The following SNRK variants were observed in gnomAD, a reference collection of about 807,000 sequenced individuals.
SNRK encodes SNF-related serine/threonine-protein kinase.
A neutral mutation model predicts 48.2 loss-of-function variants in SNRK; 3 were observed. The ratio of observed to expected loss-of-function variants is 0.06; its 90% CI spans 0.03 to 0.16. The LOEUF (loss-of-function observed/expected upper bound fraction) is 0.16. Among genes scored for constraint, SNRK ranks in the 10% least tolerant of loss-of-function variants. The pLI is 1.00. For synonymous variants in SNRK, 376 were observed against 366.1 expected (o/e 1.03, Z -0.31); for missense variants, 627 against 976.0 (o/e 0.64, Z 4.76).
intron 1 of SNRK, among the ~76,000 whole-genome samples, chr3:43,293,774 C>T (rs941727576): frequency 3.3e-5 from 5 of 151,814 alleles, no homozygotes; most frequent in African/African-American, 9.7e-5. Context: ...TTAAAATTAG[C>T]TGGGTGTGGT....
intron 3 of SNRK, among the ~76,000 whole-genome samples, chr3:43,326,423 G>T (rs967330213): frequency 2.0e-5 from 3 of 151,988 alleles, no homozygotes; most frequent in African/African-American, 7.2e-5. Context: ...AACTTGTGTT[G>T]AGCAGGCCCT....
chr3:43,311,261 A>C (rs2090977025), intron 3 of SNRK, among the ~76,000 whole-genome samples: 1 of 152,154 alleles, frequency 6.6e-6, no homozygotes, highest in South Asian at 2.1e-4. Flanking sequence ...ATTAGTCCTC[A>C]GTTAATCCTT....
At chr3:43,287,265 C>T (rs1575526309) in intron 1 of SNRK, among the ~76,000 whole-genome samples, 1 of 152,164 alleles carries the variant, frequency 6.6e-6, no homozygotes, top group Admixed American at 6.5e-5. Context: ...AGAATTTTTG[C>T]AGACTGGGAG....
chr3:43,313,500 A>G lies in SNRK; in HGVS notation c.589+9708A>G, dbSNP rs963746051. On this transcript the variant is annotated intron_variant, in intron 3 of 6. Coordinates refer to ENST00000296088, the MANE Select transcript of SNRK (RefSeq NM_017719.5). ...AAAATTCTCTTGATATAACAAAACT[A>G]TAAAAATGGAGAACAGATTGGTGGC... 2.6e-5 allele frequency among the ~76,000 whole-genome samples: 4 copies of G among 152,228 alleles called. No homozygotes were observed. The East Asian group carries it at 5.8e-4, about 22-fold the overall frequency.
chr3:43,318,609 T>C (rs1002953116), intron 3 of SNRK, among the ~76,000 whole-genome samples: 14 of 151,972 alleles, frequency 9.2e-5, no homozygotes, highest in Non-Finnish European at 1.8e-4. Context: ...AAAGATAAGT[T>C]TGCAAGACAA....
At chr3:43,341,462 T>C (rs1160905176) in intron 5 of SNRK, among the ~76,000 whole-genome samples, 3 of 152,224 alleles carry the variant, frequency 2.0e-5, no homozygotes, top group Non-Finnish European at 4.4e-5. Context: ...CAAAGCCAGA[T>C]TTTAATAAAC....
intron 3 of SNRK, among the ~76,000 whole-genome samples, chr3:43,315,822 C>A (rs2091009614): frequency 1.3e-5 from 2 of 152,208 alleles, no homozygotes; most frequent in Non-Finnish European, 2.9e-5. Flanking sequence ...ATGTAGCACA[C>A]ACCTTCTGTC....
chr3:43,318,257 T>G (rs1422547485), intron 3 of SNRK, among the ~76,000 whole-genome samples: 1 of 152,172 alleles, frequency 6.6e-6, no homozygotes, highest in Admixed American at 6.5e-5. Context: ...CTCACATGTT[T>G]TTAGTTGTAT....
chr3:43,328,435 G>A (rs2091112191), intron 3 of SNRK, among the ~76,000 whole-genome samples: 1 of 151,830 alleles, frequency 6.6e-6, no homozygotes, highest in Admixed American at 6.6e-5. Flanking sequence ...TCACAGATGT[G>A]GTTTAGCACA....
In SNRK at chr3:43,348,038, G is replaced by A; in HGVS notation, c.1779G>A (p.Val593=). The A allele has an allele frequency of 6.2e-7, 1 of 1,608,572 alleles. No individual in the cohort carries two copies. The highest frequency in any genetic ancestry group is 8.5e-7 in the Non-Finnish European group (1 of 1,177,272). Residue 593 remains valine (V), a synonymous_variant, in exon 7 of 7, where the codon GTG becomes GTA. Transcript: ENST00000296088. ...AGCCAAGCAATGCCAGTGGAGGGGTGGACAAGGCCAGCCCCAGTGAGAACA... is the reference window on the plus strand; with the variant it reads ...AGCCAAGCAATGCCAGTGGAGGGGTAGACAAGGCCAGCCCCAGTGAGAACA... ...QSKPSNASGG[V]DKASPSENNA...
chr3:43,318,355 A>AT (rs969468168), intron 3 of SNRK, among the ~76,000 whole-genome samples: 5 of 149,314 alleles, frequency 3.3e-5, no homozygotes, highest in Non-Finnish European at 5.9e-5. Context: ...AAAATGTTAG[A>AT]TAAAAAAAAA....
chr3:43,293,493 T>C (rs550620550), intron 1 of SNRK, among the ~76,000 whole-genome samples: 4 of 152,276 alleles, frequency 2.6e-5, no homozygotes, highest in African/African-American at 9.6e-5. Flanking sequence ...AAGCAGCACA[T>C]ATGCACTGTC....
In SNRK at chr3:43,331,458, T is replaced by G. The variant is rs544002119; in HGVS notation, c.590-711T>G. On this transcript the variant is annotated intron_variant, in intron 3 of 6. Coordinates refer to ENST00000296088, the MANE Select transcript of SNRK (RefSeq NM_017719.5). ...GCCTTACCATTGGTGCAGAAATGCC[T>G]TATGCAAAATTTTAGACAGATGTTT... Among the ~76,000 whole-genome samples the G allele has an allele frequency of 3.7e-4, 56 of 152,324 alleles. 1 individual carries two copies. Among genetic ancestry groups the G allele is most frequent in the African/African-American group, 1.3e-3 (53 of 41,570 alleles).
In SNRK at chr3:43,348,155, C is replaced by T. The variant is rs927877549; in HGVS notation, c.1896C>T (p.Ser632=). ...TTRRCAGPSN[S]MQLASRSAGE... Reference sequence around the variant, plus strand: ...GCCGCTGTGCCGGCCCCAGCAACTCCATGCAGCTGGCCTCTCGCAGTGCTG... The same window carrying T: ...GCCGCTGTGCCGGCCCCAGCAACTCTATGCAGCTGGCCTCTCGCAGTGCTG... The change falls in exon 7 of 7, where the codon TCC becomes TCT. Residue 632 remains serine (S), a synonymous_variant. Coordinates refer to ENST00000296088, the MANE Select transcript of SNRK (RefSeq NM_017719.5). 13 of 1,582,298 alleles carry T rather than the reference C, an allele frequency of 8.2e-6. No individual in the cohort carries two copies. In the African/African-American group the frequency reaches 1.1e-4, roughly 13 times the overall value.
Position 43,343,605 on chromosome 3 carries a change from G to A in SNRK, c.1079+127G>A. On this transcript the variant is annotated intron_variant, in intron 6 of 6. Coordinates refer to ENST00000296088, the MANE Select transcript of SNRK (RefSeq NM_017719.5). ...TACAAACAGTGATGACGGCCTCATTGGAGAGGCCACACACGGGCTCTTCAG... is the reference window on the plus strand; with the variant it reads ...TACAAACAGTGATGACGGCCTCATTAGAGAGGCCACACACGGGCTCTTCAG... 2.9e-6 allele frequency: 3 copies of A among 1,024,786 alleles called. No homozygotes were observed. In the South Asian group the frequency reaches 4.5e-5, roughly 15 times the overall value. The allele number at this position is 1,024,786 out of a possible 1,614,324, so 63.5% of individuals were successfully genotyped here.
intron 3 of SNRK, among the ~76,000 whole-genome samples, chr3:43,306,044 T>A (rs2090935205): frequency 6.6e-6 from 1 of 152,162 alleles, no homozygotes; most frequent in Non-Finnish European, 1.5e-5. Flanking sequence ...ATAAAACTTT[T>A]AAAAAGCTAT....
chr3:43,325,510 C>G (rs984099827), intron 3 of SNRK, among the ~76,000 whole-genome samples: 1 of 152,134 alleles, frequency 6.6e-6, no homozygotes, highest in Non-Finnish European at 1.5e-5. Flanking sequence ...CATCAAAATA[C>G]TCCACTAGCT....
chr3:43,287,106 C>T (rs1366791722), intron 1 of SNRK, among the ~76,000 whole-genome samples: 1 of 151,332 alleles, frequency 6.6e-6, no homozygotes, highest in East Asian at 1.9e-4. Context: ...TCTTTGAATG[C>T]GTTTTCCCCT....
At chr3:43,340,735 T>G (rs142161667) in intron 5 of SNRK, 1 of 526,740 alleles carries the variant, frequency 1.9e-6, no homozygotes, top group Non-Finnish European at 3.4e-6. Flanking sequence ...CAGTGAGTGC[T>G]GTGGCCTTTT....
Sources: allele counts gnomAD v4.1 joint callset (sites outside exome capture counted in the v4.1 genomes callset), GRCh38; gene constraint gnomAD v4.1.1; transcripts MANE v1.5; gene names NCBI Gene and HGNC (gene_info 2026-07-23, HGNC 2026-07-21).